The following PHLPP1 variants were observed in gnomAD, a reference collection of about 807,000 sequenced individuals.
PHLPP1 encodes the protein PH domain and leucine rich repeat protein phosphatase 1.
A neutral mutation model predicts 117.2 loss-of-function variants in PHLPP1; 42 were observed. The ratio of observed to expected loss-of-function variants is 0.36; its 90% confidence interval spans 0.28 to 0.46. The LOEUF is 0.46. Ranked by LOEUF, PHLPP1 falls within the 20% of genes least tolerant of loss-of-function variation. The pLI, the probability that PHLPP1 is intolerant of heterozygous loss-of-function variation, is 1.00. For synonymous variants in PHLPP1, 1,042 were observed against 970.7 expected, an observed-to-expected ratio of 1.07 and a Z score of -1.37; for missense variants, 2,084 against 2,241.9, an observed-to-expected ratio of 0.93 and a Z score of 1.42.
At chr18:62,720,789 T>C (rs1910891338) in intron 1 of PHLPP1, among the ~76,000 whole-genome samples, 1 of 152,132 alleles carries the variant, frequency 6.6e-6, no homozygotes. Context: ...CACCCTTCAC[T>C]ACTATGGCGT....
At chr18:62,810,356 T>G (rs1258247689) in intron 1 of PHLPP1, among the ~76,000 whole-genome samples, 2 of 152,208 alleles carry the variant, frequency 1.3e-5, no homozygotes, top group African/African-American at 2.4e-5. Flanking sequence ...ATTTAGTGAT[T>G]AAGTAATTTT....
At chr18:62,785,044 A>G (rs144528638) in intron 1 of PHLPP1, among the ~76,000 whole-genome samples, 1 of 152,310 alleles carries the variant, frequency 6.6e-6, no homozygotes, top group African/African-American at 2.4e-5. Flanking sequence ...GATAATTGGT[A>G]TGTTTTTCTG....
At chr18:62,952,291 A>G (rs575972947) in intron 12 of PHLPP1, among the ~76,000 whole-genome samples, 23 of 152,274 alleles carry the variant, frequency 1.5e-4, no homozygotes, top group African/African-American at 5.3e-4. Flanking sequence ...GATGATGTAA[A>G]GAAATTGTTC....
At chr18:62,879,041 C>G (rs999493562) in intron 4 of PHLPP1, among the ~76,000 whole-genome samples, 3 of 152,130 alleles carry the variant, frequency 2.0e-5, no homozygotes, top group Non-Finnish European at 4.4e-5. Flanking sequence ...CAGTGTTTCA[C>G]AAAATGATTC....
intron 3 of PHLPP1, among the ~76,000 whole-genome samples, chr18:62,849,676 A>G (rs1915274797): frequency 6.9e-6 from 1 of 145,068 alleles, no homozygotes; most frequent in East Asian, 2.0e-4. Flanking sequence ...AAAATCTACC[A>G]GGCATGGTGA....
At chr18:62,868,888 T>A (rs1915831386) in intron 4 of PHLPP1, among the ~76,000 whole-genome samples, 1 of 152,184 alleles carries the variant, frequency 6.6e-6, no homozygotes, top group South Asian at 2.1e-4. Context: ...ATATGTTCAA[T>A]AATCAGCATC....
intron 12 of PHLPP1, 143 bp from the exon 13 acceptor site, chr18:62,958,486 C>A: frequency 1.4e-6 from 1 of 692,624 alleles, no homozygotes; most frequent in Non-Finnish European, 2.2e-6. Context: ...GGCAAAGTAA[C>A]AGATAAGCCT....
Position 62,895,968 on chromosome 18 carries a change from C to A in PHLPP1, c.2401C>A (p.Gln801Lys). The change falls in exon 6 of 17, where the codon CAG (glutamine) becomes AAG (lysine). Residue 801 changes from glutamine to lysine, a missense_variant. Around this residue, in one of 2 missense-constraint regions of PHLPP1, gnomAD observed 1,365 missense variants for 1,605.9 expected, o/e 0.85. Coordinates refer to ENST00000262719, the MANE Select transcript of PHLPP1 (RefSeq NM_194449.4). ...SGNCVETLRL[Q>K]ALRKMPHIKH... ...AAACTGTGTGGAGACCCTTAGGCTA[C>A]AGGCTTTAAGAAAAATGCCTCACAT... The A allele has an allele frequency of 6.2e-7, 1 of 1,613,554 alleles. No homozygotes were observed. Among genetic ancestry groups the A allele is most frequent in the Non-Finnish European group, 8.5e-7 (1 of 1,179,560 alleles).
At chr18:62,784,375 T>C (rs957042528) in intron 1 of PHLPP1, among the ~76,000 whole-genome samples, 2 of 152,186 alleles carry the variant, frequency 1.3e-5, no homozygotes, top group Non-Finnish European at 2.9e-5. Flanking sequence ...CAAAGGCTAA[T>C]AGAAAGAAAG....
intron 4 of PHLPP1, among the ~76,000 whole-genome samples, chr18:62,891,091 G>C (rs115082112): frequency 3.3e-5 from 5 of 152,266 alleles, no homozygotes; most frequent in African/African-American, 1.2e-4. Flanking sequence ...TTTTTTCAGT[G>C]TAAGTGTGCC....
At chr18:62,755,993 T>C (rs1912004739) in intron 1 of PHLPP1, among the ~76,000 whole-genome samples, 1 of 129,564 alleles carries the variant, frequency 7.7e-6, no homozygotes, top group Non-Finnish European at 1.6e-5. Context: ...CCCCCCCCCC[T>C]TCAATTTGTG....
intron 1 of PHLPP1, among the ~76,000 whole-genome samples, chr18:62,789,177 G>C (rs1010047665): frequency 3.2e-4 from 49 of 152,146 alleles, no homozygotes; most frequent in African/African-American, 1.0e-3. Flanking sequence ...TCAGGAGTCT[G>C]AACTATGCCG....
intron 10 of PHLPP1, among the ~76,000 whole-genome samples, chr18:62,927,225 T>A (rs1909659042): frequency 6.6e-6 from 1 of 152,208 alleles, no homozygotes; most frequent in African/African-American, 2.4e-5. Flanking sequence ...GTATCTTCAC[T>A]TATCTGTGCT....
chr18:62,830,294 G>A, intron 2 of PHLPP1, 63 bp downstream of exon 2: 3 of 1,395,308 alleles, frequency 2.2e-6, no homozygotes, highest in Non-Finnish European at 2.9e-6. Context: ...AGGCTCAAGT[G>A]TAGTGGCGTG....
At chr18:62,757,136 T>C (rs1912050850) in intron 1 of PHLPP1, among the ~76,000 whole-genome samples, 1 of 152,230 alleles carries the variant, frequency 6.6e-6, no homozygotes, top group African/African-American at 2.4e-5. Context: ...TGCAAAATAC[T>C]GCAGTAGGTA....
At chr18:62,826,287 A>G (rs1279790939) in intron 1 of PHLPP1, 1 of 401,876 alleles carries the variant, frequency 2.5e-6, no homozygotes, top group Non-Finnish European at 5.0e-6. Flanking sequence ...TGTGAAGAAT[A>G]CATTTGTTAG....
intron 2 of PHLPP1, among the ~76,000 whole-genome samples, chr18:62,837,330 G>A (rs1320148690): frequency 6.6e-6 from 1 of 152,068 alleles, no homozygotes; most frequent in Non-Finnish European, 1.5e-5. Flanking sequence ...TTATTTAGTA[G>A]TATTGGTAAA....
At chr18:62,827,775 C>A (rs2144329146) in intron 1 of PHLPP1, among the ~76,000 whole-genome samples, 1 of 152,330 alleles carries the variant, frequency 6.6e-6, no homozygotes, top group Non-Finnish European at 1.5e-5. Flanking sequence ...TGTATCCATA[C>A]TCTTCTGTTA....
intron 1 of PHLPP1, among the ~76,000 whole-genome samples, chr18:62,739,969 C>T (rs557591543): frequency 1.3e-5 from 2 of 152,208 alleles, no homozygotes; most frequent in African/African-American, 4.8e-5. Flanking sequence ...AGGATTGATC[C>T]TTCCTTGGGC....
Sources: allele counts gnomAD v4.1 joint callset (sites outside exome capture counted in the v4.1 genomes callset), GRCh38; gene constraint gnomAD v4.1.1; regional missense constraint gnomAD v4.1.1; transcripts MANE v1.5; gene names NCBI Gene and HGNC (gene_info 2026-07-23, HGNC 2026-07-21).